Variants in CFAP58 observed in about 807,000 individuals in gnomAD.
CFAP58 encodes cilia and flagella associated protein 58.
A neutral mutation model predicts 119.5 loss-of-function variants in CFAP58; 88 were observed. The observed-to-expected ratio is 0.74, with a 90% CI of 0.62 to 0.88. The LOEUF (loss-of-function observed/expected upper bound fraction) is 0.88, where lower values mean the gene tolerates loss of function less well. Ranked by LOEUF, CFAP58 falls within the 40% of genes least tolerant of loss-of-function variation. The pLI, the probability that CFAP58 is intolerant of heterozygous loss-of-function variation, is 0.00. For synonymous variants in CFAP58, 365 were observed against 366.3 expected, an observed-to-expected ratio of 1.00 and a Z score of 0.04; for missense variants, 990 against 1,021.2, an observed-to-expected ratio of 0.97 and a Z score of 0.42.
At chr10:104,362,950 C>A (rs889597785) in intron 3 of CFAP58, among the ~76,000 whole-genome samples, 1 of 152,212 alleles carries the variant, frequency 6.6e-6, no homozygotes, top group African/African-American at 2.4e-5. Flanking sequence ...CTCACACCTC[C>A]ATGCCTTTGT....
chr10:104,353,809 C>A, upstream of CFAP58: 1 of 1,494,852 alleles, frequency 6.7e-7, no homozygotes, highest in Non-Finnish European at 9.1e-7. Context: ...AGAGACAGCG[C>A]GTCGCGCCTT....
intron 11 of CFAP58, among the ~76,000 whole-genome samples, chr10:104,396,390 GA>G (rs2012156287): frequency 3.0e-5 from 1 of 32,900 alleles, no homozygotes; most frequent in Non-Finnish European, 5.8e-5. Flanking sequence ...GAGAGAGAGA[GA>G]GAGAGAGAGA....
At chr10:104,418,516 C>T (rs1331152401) in intron 15 of CFAP58, among the ~76,000 whole-genome samples, 1 of 152,204 alleles carries the variant, frequency 6.6e-6, no homozygotes, top group African/African-American at 2.4e-5. Context: ...CCACTGCAGT[C>T]CGGCCTGGGT....
chr10:104,435,086 A>G (rs1220712159), intron 15 of CFAP58, among the ~76,000 whole-genome samples: 7 of 152,274 alleles, frequency 4.6e-5, no homozygotes, highest in Non-Finnish European at 1.0e-4. Context: ...CAGCAATGAT[A>G]ATGCCAGAGT....
chr10:104,454,514 C>G lies in CFAP58; in HGVS notation c.2603C>G (p.Thr868Ser), dbSNP rs74741614. Residue 868 changes from threonine (T) to serine (S), a missense_variant, in exon 18 of 18, where the codon ACC becomes AGC. Physicochemically the swap from Thr to Ser is moderately conservative, Grantham distance 58. Coordinates refer to ENST00000369704, the MANE Select transcript of CFAP58 (RefSeq NM_001008723.2). The stretch of plus-strand genomic sequence containing the variant: ...GGGGGCGGATTTCCTCTCAGGTCAA[C>G]CAAAATGACGTTCTAACCTGAAGCT... ...FTGGGFPLRS[T>S]KMTF 1 of 1,613,098 alleles carries G rather than the reference C, an allele frequency of 6.2e-7. No homozygotes were observed. Among genetic ancestry groups the G allele is most frequent in the Non-Finnish European group, 8.5e-7 (1 of 1,179,324 alleles).
At chr10:104,444,517 G>A (rs972183413) in intron 15 of CFAP58, among the ~76,000 whole-genome samples, 5 of 152,244 alleles carry the variant, frequency 3.3e-5, no homozygotes, top group Admixed American at 6.5e-5. Flanking sequence ...GAAGAGCTTG[G>A]TTGGCCCTTG....
At chr10:104,447,929 C>A in intron 16 of CFAP58, 112 bp downstream of exon 16, 1 of 1,332,544 alleles carries the variant, frequency 7.5e-7, no homozygotes, top group Non-Finnish European at 1.0e-6. Flanking sequence ...ATGCCACGAT[C>A]CTCTGAGGTC....
chr10:104,377,767 C>T (rs2011702119), intron 8 of CFAP58, among the ~76,000 whole-genome samples: 1 of 152,174 alleles, frequency 6.6e-6, no homozygotes, highest in African/African-American at 2.4e-5. Flanking sequence ...ACAAAATACA[C>T]TATACTTTAG....
intron 15 of CFAP58, among the ~76,000 whole-genome samples, chr10:104,415,109 G>A (rs1049779447): frequency 1.3e-5 from 2 of 152,144 alleles, no homozygotes; most frequent in Non-Finnish European, 2.9e-5. Context: ...GTGTACCAAG[G>A]GCTGTGATAC....
chr10:104,436,597 C>A (rs1170199342), intron 15 of CFAP58, among the ~76,000 whole-genome samples: 1 of 152,044 alleles, frequency 6.6e-6, no homozygotes, highest in African/African-American at 2.4e-5. Context: ...CCTAAACAAC[C>A]AGATCTCACT....
At chr10:104,438,348 GTTTTTTTTTTTTGT>G (rs1564904758) in intron 15 of CFAP58, among the ~76,000 whole-genome samples, 6 of 36,746 alleles carry the variant, frequency 1.6e-4, no homozygotes, top group Non-Finnish European at 2.8e-4. Context: ...TTTGTTTTTT[GTTTTTTTTTTTTGT>G]TTTTTTTTTT....
intron 15 of CFAP58, among the ~76,000 whole-genome samples, chr10:104,425,963 T>G (rs965440735): frequency 5.9e-5 from 9 of 152,208 alleles, no homozygotes; most frequent in Non-Finnish European, 1.3e-4. Context: ...GACTGGGTGC[T>G]GGCTCATGCC....
chr10:104,339,029 C>T, the CFAP58 span, among the ~76,000 whole-genome samples: 4 of 152,134 alleles, frequency 2.6e-5, no homozygotes, highest in African/African-American at 9.7e-5. Context: ...CTGCCTCAGC[C>T]TCCCGAGTAG....
At chr10:104,371,535 C>T (rs78704151) in intron 7 of CFAP58, among the ~76,000 whole-genome samples, 1,567 of 152,216 alleles carry the variant, frequency 0.01, 35 homozygotes, top group African/African-American at 0.036. Flanking sequence ...GCTGTCTTAC[C>T]GTTATAACCG....
chr10:104,395,226 G>A (rs2012127166), intron 11 of CFAP58, among the ~76,000 whole-genome samples: 3 of 152,086 alleles, frequency 2.0e-5, no homozygotes, highest in Non-Finnish European at 2.9e-5. Flanking sequence ...TCTACATAAA[G>A]CTCAAAAGAA....
intron 5 of CFAP58, among the ~76,000 whole-genome samples, chr10:104,368,037 C>T (rs546880249): frequency 2.0e-5 from 3 of 152,322 alleles, no homozygotes; most frequent in Admixed American, 6.5e-5. Flanking sequence ...ATGTAGCTTC[C>T]GAGCCCCACA....
At chr10:104,360,405 C>A (rs116452175) in intron 2 of CFAP58, among the ~76,000 whole-genome samples, 1,897 of 150,168 alleles carry the variant, frequency 0.013, 45 homozygotes, top group African/African-American at 0.044. Flanking sequence ...ACAGTCATGG[C>A]AGAAGGCAAA....
At chr10:104,417,699 T>C (rs1280734636) in intron 15 of CFAP58, among the ~76,000 whole-genome samples, 2 of 152,234 alleles carry the variant, frequency 1.3e-5, no homozygotes, top group African/African-American at 4.8e-5. Flanking sequence ...GATTGAATGC[T>C]GAGTACATTC....
At chr10:104,403,982 T>C (rs149589316) in intron 14 of CFAP58, 142 bp downstream of exon 14, 17 of 490,420 alleles carry the variant, frequency 3.5e-5, no homozygotes, top group African/African-American at 2.7e-4. Flanking sequence ...CTGTATCTGA[T>C]GTAAATTGAG....
Sources: gnomAD v4.1 joint callset for allele counts (sites outside exome capture counted in the v4.1 genomes callset) on GRCh38, gnomAD v4.1.1 for gene constraint, MANE v1.5 for transcripts, NCBI Gene and HGNC (gene_info 2026-07-23, HGNC 2026-07-21) for gene names.